Variants in LUC7L2 observed in about 807,000 individuals in gnomAD.
LUC7L2 encodes putative RNA-binding protein Luc7-like 2.
A neutral mutation model predicts 52.8 loss-of-function variants in LUC7L2; 25 were observed. The ratio of observed to expected loss-of-function variants is 0.47; its 90% CI spans 0.34 to 0.66. LUC7L2 has a LOEUF of 0.66. Among genes scored for constraint, LUC7L2 ranks in the 30% least tolerant of loss-of-function variants. The pLI, the probability that LUC7L2 is intolerant of heterozygous loss-of-function variation, is 0.01. For missense variants in LUC7L2, 328 were observed against 497.8 expected (o/e 0.66, Z 3.25); for synonymous variants, 144 against 160.9 (o/e 0.89, Z 0.80).
Position 139,422,756 on chromosome 7 carries a change from T to C in LUC7L2, c.*416T>C, listed in dbSNP as rs1795956261. On this transcript the variant is annotated 3_prime_UTR_variant, in exon 10 of 10. Transcript: ENST00000354926. ...TTTGTATCCCTTAATACCTACACTCTCCAATTGTAAGAGAAAGGGGGCAGG... is the reference window on the plus strand; with the variant it reads ...TTTGTATCCCTTAATACCTACACTCCCCAATTGTAAGAGAAAGGGGGCAGG... 5.0e-6 allele frequency: 2 copies of C among 400,180 alleles called. No individual in the cohort carries two copies. Among genetic ancestry groups the C allele is most frequent in the South Asian group, 1.3e-4 (1 of 7,950 alleles). The allele number at this position is 400,180 out of a possible 1,614,324, so 24.8% of individuals were successfully genotyped here.
At chr7:139,411,382 C>T (rs953725352) in intron 7 of LUC7L2, among the ~76,000 whole-genome samples, 8 of 152,078 alleles carry the variant, frequency 5.3e-5, no homozygotes, top group Admixed American at 3.9e-4. Context: ...TTACTGGGTG[C>T]TTATTGTATG....
chr7:139,400,135 C>A (rs1166897659), intron 3 of LUC7L2, among the ~76,000 whole-genome samples: 1 of 119,510 alleles, frequency 8.4e-6, no homozygotes, highest in Non-Finnish European at 1.6e-5. Flanking sequence ...GGTTTTTGGC[C>A]TTGCGGGGGT....
rs71169090 is a variant in LUC7L2, at chr7:139,399,449, A to ATTTTTTTTTT, written c.255+781_255+790dup. Reference sequence around the variant, plus strand: ...GGACATGCATATGGGTGTTTGGGGGATTTTTTTTTTTTTTTTTTTTTTTTT... The same window carrying ATTTTTTTTTT: ...GGACATGCATATGGGTGTTTGGGGGATTTTTTTTTTTTTTTTTTTTTTTTTTTTTTTTTTT... On this transcript the variant is annotated intron_variant, in intron 3 of 9. Transcript: ENST00000354926. 8.7e-4 allele frequency among the ~76,000 whole-genome samples: 44 copies of ATTTTTTTTTT among 50,458 alleles called. 10 individuals are homozygous for ATTTTTTTTTT. The highest frequency in any genetic ancestry group is 1.6e-3 in the South Asian group (2 of 1,248). 33.1% of individuals were successfully genotyped at this position (50,458 alleles called of 152,430 possible).
intron 8 of LUC7L2, chr7:139,416,776 C>T (rs1347331878): frequency 6.6e-6 from 1 of 151,992 alleles, no homozygotes; most frequent in African/African-American, 2.4e-5. Context: ...GTTATCTCAC[C>T]TTTCTAATTC....
At chr7:139,383,897 C>CT (rs1208167897) in intron 2 of LUC7L2, among the ~76,000 whole-genome samples, 3 of 151,324 alleles carry the variant, frequency 2.0e-5, no homozygotes, top group African/African-American at 7.3e-5. Context: ...CCATGCCTGG[C>CT]TAATTATTAT....
chr7:139,412,225 AAAAAAACAAAAAC>A (rs1319204848), intron 7 of LUC7L2, among the ~76,000 whole-genome samples: 1 of 151,760 alleles, frequency 6.6e-6, no homozygotes, highest in African/African-American at 2.4e-5. Flanking sequence ...ATTAAAAAAA[AAAAAAACAAAAAC>A]AAAAAACAGA....
At chr7:139,342,996 T>G (rs1230583968) in intron 1 of LUC7L2, among the ~76,000 whole-genome samples, 2 of 152,214 alleles carry the variant, frequency 1.3e-5, no homozygotes, top group Non-Finnish European at 2.9e-5. Context: ...GGGATTCTAT[T>G]AGGGAGAAAC....
At chr7:139,386,125 T>TC (rs2131244382) in intron 2 of LUC7L2, among the ~76,000 whole-genome samples, 1 of 151,802 alleles carries the variant, frequency 6.6e-6, no homozygotes, top group African/African-American at 2.4e-5. Flanking sequence ...GCCTCAGCCT[T>TC]CCAAGTAGCT....
chr7:139,385,084 G>A (rs1794134491), intron 2 of LUC7L2, among the ~76,000 whole-genome samples: 1 of 152,104 alleles, frequency 6.6e-6, no homozygotes, highest in South Asian at 2.1e-4. Flanking sequence ...AGGGTTGTCA[G>A]CACTTTTGTG....
At chr7:139,342,994 A>G (rs1585054775) in intron 1 of LUC7L2, among the ~76,000 whole-genome samples, 1 of 152,176 alleles carries the variant, frequency 6.6e-6, no homozygotes, top group Admixed American at 6.5e-5. Flanking sequence ...AAGGGATTCT[A>G]TTAGGGAGAA....
intron 2 of LUC7L2, among the ~76,000 whole-genome samples, chr7:139,396,640 A>G (rs1325682401): frequency 6.6e-6 from 1 of 152,108 alleles, no homozygotes; most frequent in Non-Finnish European, 1.5e-5. Context: ...TACTTTGTCT[A>G]ATTTTCTCAT....
intron 2 of LUC7L2, among the ~76,000 whole-genome samples, chr7:139,390,235 CTCTCT>C (rs762056972): frequency 2.5e-4 from 30 of 117,844 alleles, no homozygotes; most frequent in Non-Finnish European, 3.2e-4. Flanking sequence ...CTCTCTCTCT[CTCTCT>C]TTTTTTCTTA....
intron 1 of LUC7L2, chr7:139,344,827 T>G (rs956440245): frequency 2.0e-5 from 3 of 150,070 alleles, no homozygotes; most frequent in African/African-American, 7.3e-5. Context: ...CTCAGCCTCC[T>G]GAGTAGTTGG....
At chr7:139,362,371 T>A (rs187147208) in intron 1 of LUC7L2, among the ~76,000 whole-genome samples, 2 of 152,314 alleles carry the variant, frequency 1.3e-5, no homozygotes, top group East Asian at 3.9e-4. Flanking sequence ...TCAGGACTTT[T>A]AATAATTAGG....
Position 139,422,456 on chromosome 7 carries a change from T to C in LUC7L2, c.*116T>C. 1 of 1,469,164 alleles carries C rather than the reference T, an allele frequency of 6.8e-7. No homozygotes were observed. Among genetic ancestry groups the C allele is most frequent in the Non-Finnish European group, 9.0e-7 (1 of 1,112,198 alleles). 91.0% of individuals were successfully genotyped at this position (1,469,164 alleles called of 1,614,324 possible). On this transcript the variant is annotated 3_prime_UTR_variant, in exon 10 of 10. Coordinates refer to ENST00000354926, the MANE Select transcript of LUC7L2 (RefSeq NM_016019.5). The stretch of plus-strand genomic sequence containing the variant: ...ATCCAGACACCAGATCCAGCTAGGC[T>C]AGATGTACAGTATCTAACTTGATCT...
intron 3 of LUC7L2, among the ~76,000 whole-genome samples, chr7:139,401,652 C>T (rs1001488463): frequency 6.6e-6 from 1 of 151,836 alleles, no homozygotes; most frequent in Non-Finnish European, 1.5e-5. Context: ...GAGGTTTCAC[C>T]ATGTTGGCCA....
At chr7:139,420,204 A>AATT (rs1027057993) in intron 9 of LUC7L2, among the ~76,000 whole-genome samples, 88 of 152,088 alleles carry the variant, frequency 5.8e-4, no homozygotes, top group African/African-American at 2.0e-3. Flanking sequence ...TAGGCTAAGT[A>AATT]ATTTATTTTT....
chr7:139,400,900 T>G (rs1292694026), intron 3 of LUC7L2, among the ~76,000 whole-genome samples: 1 of 152,250 alleles, frequency 6.6e-6, no homozygotes, highest in Non-Finnish European at 1.5e-5. Context: ...CCTTATTGCT[T>G]TTCACATTGA....
At chr7:139,340,693 T>C (rs981241420) in intron 1 of LUC7L2, 22 of 392,892 alleles carry the variant, frequency 5.6e-5, no homozygotes, top group East Asian at 1.8e-4. Flanking sequence ...GCGCGTCGTT[T>C]GCAGAAGCCC....
Sources: allele counts gnomAD v4.1 joint callset (sites outside exome capture counted in the v4.1 genomes callset), GRCh38; gene constraint gnomAD v4.1.1; transcripts MANE v1.5; gene names NCBI Gene and HGNC (gene_info 2026-07-23, HGNC 2026-07-21).